The following NBEAL2 variants were observed in gnomAD, a reference collection of about 807,000 sequenced individuals.
NBEAL2 encodes neurobeachin-like protein 2.
Under a neutral mutation model 299.8 loss-of-function variants are expected in NBEAL2, and 160 were observed. The observed-to-expected ratio is 0.53, with a 90% CI of 0.47 to 0.61. The LOEUF (loss-of-function observed/expected upper bound fraction) is 0.61. Ranked by LOEUF, NBEAL2 falls within the 20% of genes least tolerant of loss-of-function variation. The probability of loss-of-function intolerance (pLI) is 0.00; values close to 1 mark genes in which losing one functional copy is unlikely to be tolerated. For synonymous variants in NBEAL2, 1,493 were observed against 1,542.3 expected (o/e 0.97, Z 0.75); for missense variants, 3,112 against 3,649.0 (o/e 0.85, Z 3.79).
At chr3:46,979,939 A>C (rs896964084) in intron 1 of NBEAL2, 27 bp downstream of exon 1, 33 of 348,590 alleles carry the variant, frequency 9.5e-5, no homozygotes, top group Middle Eastern at 7.7e-4. Flanking sequence ...CCGCGCCCGC[A>C]CCCGCACCCG....
Position 47,004,058 on chromosome 3 carries a change from C to A in NBEAL2, c.5882-19C>A, listed in dbSNP as rs1389852371. ...GGGCTGGGGTGAGTGACTCCCGTAC[C>A]TGCTGTTCCTCCCCATAGGCATCGG... On this transcript the variant is annotated intron_variant, in intron 36 of 53. Transcript: ENST00000450053. The surrounding 1 kb of genome is among the most constrained non-coding windows in gnomAD (Gnocchi z 5.0). 3.1e-6 allele frequency: 5 copies of A among 1,608,418 alleles called. No individual in the cohort carries two copies. The highest frequency in any genetic ancestry group is 4.3e-6 in the Non-Finnish European group (5 of 1,176,070).
Position 46,997,318 on chromosome 3 carries a change from T to A in NBEAL2, c.2709T>A (p.Ala903=). ...GALLPLLERV[A]AQPKEAEAGP... ...TGCTGCCCCTGCTGGAGCGAGTAGC[T>A]GCACAGCCCAAAGAGGCTGAAGCAG... The change falls in exon 19 of 54, where the codon GCT becomes GCA. Residue 903 remains alanine, a synonymous_variant. Coordinates refer to ENST00000450053, the MANE Select transcript of NBEAL2 (RefSeq NM_015175.3). 6.2e-7 allele frequency: 1 copy of A among 1,613,038 alleles called. No homozygotes were observed. Among genetic ancestry groups the A allele is most frequent in the African/African-American group, 1.3e-5 (1 of 75,020 alleles).
chr3:46,997,503 T>C, intron 19 of NBEAL2, 58 bp from the exon 20 acceptor site: 1 of 1,587,526 alleles, frequency 6.3e-7, no homozygotes, highest in Non-Finnish European at 8.6e-7. Flanking sequence ...ATGCCCAAGG[T>C]CTCCTGGCCA....
Position 46,999,461 on chromosome 3 carries a change from G to C in NBEAL2, c.3690G>C (p.Leu1230=). Residue 1230 remains leucine (L), a synonymous_variant, in exon 25 of 54, where the codon CTG becomes CTC. Coordinates refer to ENST00000450053, the MANE Select transcript of NBEAL2 (RefSeq NM_015175.3). ...SPQLCQGLYK[L]FLGADCLNLS... ...AGCTCTGCCAGGGCCTCTACAAGCT[G>C]TTCCTGGGGGCAGGTACAACCTGGT... 1.3e-6 allele frequency: 2 copies of C among 1,580,266 alleles called. No individual in the cohort carries two copies. The highest frequency in any genetic ancestry group is 1.7e-6 in the Non-Finnish European group (2 of 1,163,082).
Position 46,991,699 on chromosome 3 carries a change from G to C in NBEAL2, c.925+11G>C, listed in dbSNP as rs2036103342. ...GGGTCAGCATGCTCGGTGGGTATGG[G>C]CTCCCAGGCTCTTGGGGAAGGGGCA... On this transcript the variant is annotated intron_variant, in intron 8 of 53. Transcript: ENST00000450053. The surrounding 1 kb of genome is among the most constrained non-coding windows in gnomAD (Gnocchi z 6.2). The C allele has an allele frequency of 1.3e-6, 2 of 1,589,934 alleles. No homozygotes were observed. Among genetic ancestry groups the C allele is most frequent in the South Asian group, 2.2e-5 (2 of 89,564 alleles).
At chr3:46,998,338 C>T (rs1349256475) in intron 21 of NBEAL2, 112 bp downstream of exon 21, 2 of 1,515,134 alleles carry the variant, frequency 1.3e-6, no homozygotes, top group Non-Finnish European at 1.8e-6. Context: ...TCCAGAATGC[C>T]ATGGGGCGGC....
Position 47,003,079 on chromosome 3 carries a change from T to G in NBEAL2, c.5582T>G (p.Leu1861Arg). Residue 1861 changes from leucine to arginine, a missense_variant and splice_region_variant, in exon 34 of 54, where the codon CTG becomes CGG. By Grantham distance (102) the Leu-to-Arg change is moderately radical (BLOSUM62 -2). This residue lies in a region of NBEAL2 where 2,243 missense variants were observed against 2,538.1 expected (regional missense o/e 0.88). Coordinates refer to ENST00000450053, the MANE Select transcript of NBEAL2 (RefSeq NM_015175.3). This position sits in a 1 kb window ranked among gnomAD's most constrained non-coding sequence, Gnocchi z 7.0. ...HLEASALRDNLGEVPLTPTEE... is the reference protein window; with the variant it reads ...HLEASALRDNRGEVPLTPTEE... Reference sequence around the variant, plus strand: ...GAAGCCAGCGCTCTCCGAGACAATCTGGGTGAGGGAGTGTGCTGAGATGGG... The same window carrying G: ...GAAGCCAGCGCTCTCCGAGACAATCGGGGTGAGGGAGTGTGCTGAGATGGG... 6.2e-7 allele frequency: 1 copy of G among 1,612,262 alleles called. No homozygotes were observed. Among genetic ancestry groups the G allele is most frequent in the Non-Finnish European group, 8.5e-7 (1 of 1,179,292 alleles).
rs767861562 is a variant in NBEAL2, at chr3:47,003,868, G to A, written c.5773G>A (p.Glu1925Lys). ...EQREKLVLSA[E>K]CQLVTVVAVV... Reference sequence around the variant, plus strand: ...GCGTGAGAAGCTGGTGCTGTCGGCCGAGTGCCAGCTGGTGACGGTAGTGGC... The same window carrying A: ...GCGTGAGAAGCTGGTGCTGTCGGCCAAGTGCCAGCTGGTGACGGTAGTGGC... The change falls in exon 36 of 54, where the codon GAG becomes AAG. Residue 1925 changes from glutamate to lysine, a missense_variant. This residue lies in a region of NBEAL2 where 521 missense variants were observed against 729.6 expected (regional missense o/e 0.71). Coordinates refer to ENST00000450053, the MANE Select transcript of NBEAL2 (RefSeq NM_015175.3). This position sits in a 1 kb window ranked among gnomAD's most constrained non-coding sequence, Gnocchi z 7.0. 15 of 1,613,254 alleles carry A rather than the reference G, an allele frequency of 9.3e-6. No homozygotes were observed. Among genetic ancestry groups the A allele is most frequent in the South Asian group, 6.6e-5 (6 of 91,038 alleles).
intron 6 of NBEAL2, among the ~76,000 whole-genome samples, chr3:46,990,576 C>A (rs2036010404): frequency 6.6e-6 from 1 of 152,238 alleles, no homozygotes; most frequent in African/African-American, 2.4e-5. Context: ...TCCCACCCAT[C>A]CAGCCGGAAT....
Position 47,007,291 on chromosome 3 carries a change from T to C in NBEAL2, c.7275T>C (p.Tyr2425=), listed in dbSNP as rs764122392. 1 of 1,612,708 alleles carries C rather than the reference T, an allele frequency of 6.2e-7. No homozygotes were observed. The highest frequency in any genetic ancestry group is 1.1e-5 in the South Asian group (1 of 90,756). Residue 2425 remains tyrosine (Y), a synonymous_variant, in exon 47 of 54, where the codon TAT becomes TAC. Coordinates refer to ENST00000450053, the MANE Select transcript of NBEAL2 (RefSeq NM_015175.3). ...GLLGTHSWLP[Y]DRNISNYFSF... is the part of the protein sequence containing the mutation. ...TGGGCACCCACAGCTGGTTGCCCTA[T>C]GACCGCAACATAAGCAACTACTTCA...
In NBEAL2 at chr3:47,005,499, T is replaced by C; in HGVS notation, c.6571T>C (p.Ser2191Pro). Residue 2191 changes from serine to proline, a missense_variant, in exon 41 of 54, where the codon TCC becomes CCC. Ser to Pro is a moderately conservative substitution (Grantham distance 74). This residue lies in a region of NBEAL2 where 521 missense variants were observed against 729.6 expected (regional missense o/e 0.71). Coordinates refer to ENST00000450053, the MANE Select transcript of NBEAL2 (RefSeq NM_015175.3). The stretch of plus-strand genomic sequence containing the variant: ...GTGCCCCTCCCCCAGCTTTGACTGC[T>C]CCGACCGGCAGTTCCACTCGGTGGC... ...VQLQSGRFDC[S>P]DRQFHSVAAA... 1 of 1,611,484 alleles carries C rather than the reference T, an allele frequency of 6.2e-7. No homozygotes were observed. The highest frequency in any genetic ancestry group is 1.1e-5 in the South Asian group (1 of 90,496).
At position 47,000,191 on chromosome 3, in the gene NBEAL2, T is replaced by C; in HGVS notation, c.4092T>C (p.Ser1364=). ...TTGACCTGGGCCTGGAACGGTCTAG[T>C]GTAGGATCAGGCAACACTGCTGGTG... ...TPFDLGLERS[S]VGSGNTAGGG... The change falls in exon 27 of 54, where the codon AGT becomes AGC. Residue 1364 remains serine, a synonymous_variant. Coordinates refer to ENST00000450053, the MANE Select transcript of NBEAL2 (RefSeq NM_015175.3). This position sits in a 1 kb window ranked among gnomAD's most constrained non-coding sequence, Gnocchi z 4.5. 2 of 1,613,756 alleles carry C rather than the reference T, an allele frequency of 1.2e-6. No individual in the cohort carries two copies. Among genetic ancestry groups the C allele is most frequent in the African/African-American group, 1.3e-5 (1 of 75,004 alleles).
rs749048726 is a variant in NBEAL2, at chr3:47,008,634, G to A, written c.7993G>A (p.Ala2665Thr). 6.8e-6 allele frequency: 11 copies of A among 1,613,278 alleles called. No individual in the cohort carries two copies. The South Asian group carries it at 8.8e-5, about 13-fold the overall frequency. The change falls in exon 52 of 54, where the codon GCC (alanine) becomes ACC (threonine). Residue 2665 changes from alanine to threonine, a missense_variant. Ala to Thr is a moderately conservative substitution (Grantham distance 58). This residue lies in a region of NBEAL2 where 348 missense variants were observed against 381.4 expected (regional missense o/e 0.91). Coordinates refer to ENST00000450053, the MANE Select transcript of NBEAL2 (RefSeq NM_015175.3). ...AGAGGACTTTGTGTTGCTGGGCACC[G>A]CCCAGTGCGCCCTGCACATCCTCCA... is the stretch of plus-strand genomic sequence containing the variant. ...VTEDFVLLGT[A>T]QCALHILQLN...
chr3:46,999,048 C>A lies in NBEAL2; in HGVS notation c.3474C>A (p.Asn1158Lys), dbSNP rs2036741909. ...CTGTCTTTCTGTTGGAGCCAGGGAA[C>A]CTCGAAGTGCTACTGGCCCTGCTAG... Reference protein sequence around the residue: ...SLAVFLLEPGNLEVLLALLVR... With the variant: ...SLAVFLLEPGKLEVLLALLVR... The change falls in exon 24 of 54, where the codon AAC (asparagine) becomes AAA (lysine). Residue 1158 changes from asparagine (N) to lysine (K), a missense_variant. Coordinates refer to ENST00000450053, the MANE Select transcript of NBEAL2 (RefSeq NM_015175.3). The A allele has an allele frequency of 2.5e-6, 4 of 1,597,126 alleles. No homozygotes were observed. Among genetic ancestry groups the A allele is most frequent in the Non-Finnish European group, 3.4e-6 (4 of 1,172,298 alleles).
intron 52 of NBEAL2, 42 bp from the exon 53 acceptor site, chr3:47,008,947 C>T (rs2037668743): frequency 6.3e-7 from 1 of 1,597,992 alleles, no homozygotes; most frequent in African/African-American, 1.3e-5. Context: ...CGCAAAGCCC[C>T]CTTGCAGTCG....
In NBEAL2 at chr3:46,999,664, A is replaced by G. The variant is rs1443880551; in HGVS notation, c.3738A>G (p.Val1246=). ...CLNLSDLLAV[V]QLSLQADLSV... is the part of the protein sequence containing the mutation. ...ACCTCTCAGATCTGCTGGCTGTGGT[A>G]CAGCTGTCCCTCCAGGCTGACCTCA... The change falls in exon 26 of 54, where the codon GTA becomes GTG. Residue 1246 remains valine (V), a synonymous_variant. Transcript: ENST00000450053. The G allele has an allele frequency of 1.3e-5, 21 of 1,613,362 alleles. No individual in the cohort carries two copies. The highest frequency in any genetic ancestry group is 1.7e-5 in the Non-Finnish European group (20 of 1,179,700).
chr3:46,999,402 G>C lies in NBEAL2; in HGVS notation c.3631G>C (p.Val1211Leu). The change falls in exon 25 of 54, where the codon GTT (valine) becomes CTT (leucine). Residue 1211 changes from valine to leucine, a missense_variant. Val to Leu is a conservative substitution (Grantham distance 32). Transcript: ENST00000450053. ...GCGGGAGTGTGGTCTCCAGGGTCTG[G>C]TTGCCTGCTTGCCTGAGGGGACTGT... Reference protein sequence around the residue: ...RLRECGLQGLVACLPEGTVSP... With the variant: ...RLRECGLQGLLACLPEGTVSP... 6.2e-7 allele frequency: 1 copy of C among 1,601,248 alleles called. No individual in the cohort carries two copies. The highest frequency in any genetic ancestry group is 8.5e-7 in the Non-Finnish European group (1 of 1,174,724).
chr3:47,007,769 CG>C, intron 48 of NBEAL2, 46 bp from the exon 49 acceptor site: 1 of 1,607,870 alleles, frequency 6.2e-7, no homozygotes, highest in Non-Finnish European at 8.5e-7. Flanking sequence ...CTGGCCAGGG[CG>C]GATGTGACTC....
intron 1 of NBEAL2, among the ~76,000 whole-genome samples, chr3:46,984,259 T>C (rs1353852309): frequency 6.6e-6 from 1 of 151,474 alleles, no homozygotes; most frequent in Non-Finnish European, 1.5e-5. Context: ...TGAGTTGAGA[T>C]CGCGCCACTG....
Sources: gnomAD v4.1 joint callset for allele counts (sites outside exome capture counted in the v4.1 genomes callset) on GRCh38, gnomAD v4.1.1 for gene constraint, gnomAD v4.1.1 regional missense constraint, Gnocchi (gnomAD v3.1) non-coding constraint, MANE v1.5 for transcripts, NCBI Gene and HGNC (gene_info 2026-07-23, HGNC 2026-07-21) for gene names.